DMD: variants seen among roughly 807,000 people sequenced by gnomAD.
DMD encodes mutant dystrophin.
A neutral mutation model predicts 330.1 loss-of-function variants in DMD; 63 were observed. The ratio of observed to expected loss-of-function variants is 0.19; its 90% CI spans 0.16 to 0.24. The LOEUF (loss-of-function observed/expected upper bound fraction) is 0.24, where lower values mean the gene tolerates loss of function less well. DMD is among the 10% of genes least tolerant of loss of function. The pLI is 1.00. For missense variants in DMD, 3,344 were observed against 2,684.1 expected (o/e 1.25, Z -5.43); for synonymous variants, 1,223 against 959.8 (o/e 1.27, Z -5.07).
chrX:31,925,417 A>G (rs4330838), intron 47 of DMD, among the ~76,000 whole-genome samples: 1 of 111,792 alleles, frequency 8.9e-6, no homozygotes, highest in Non-Finnish European at 1.9e-5. Flanking sequence ...ACCCACATAT[A>G]ACATATACAA....
chrX:32,521,835 C>T (rs763632078), intron 17 of DMD, among the ~76,000 whole-genome samples: 1 of 111,698 alleles, frequency 9.0e-6, no homozygotes, highest in African/African-American at 3.3e-5. Context: ...AAGCCTAATT[C>T]CCAATGTGAT....
At position 32,211,607 on chromosome X, in the gene DMD, C is replaced by T. The variant is rs190401758; in HGVS notation, c.6438+5309G>A. Among the ~76,000 whole-genome samples, 590 of 111,559 alleles carry T rather than the reference C, an allele frequency of 5.3e-3. 6 individuals carry two copies. Among genetic ancestry groups the T allele is most frequent in the African/African-American group, 0.019 (570 of 30,741 alleles). ...ATGTCAGAATAACACACTGGTGTTT[C>T]GCTCCCCATGTCTGCTTAACATTTG... On this transcript the variant is annotated intron_variant, in intron 44 of 78. Transcript: ENST00000357033.
chrX:32,955,951 A>G (rs1569545581), intron 2 of DMD, among the ~76,000 whole-genome samples: 2 of 111,856 alleles, frequency 1.8e-5, no homozygotes, highest in Non-Finnish European at 3.8e-5. Flanking sequence ...GCCCTGTAGT[A>G]TAGTTTGAAG....
chrX:32,253,270 C>T (rs940444741), intron 43 of DMD, among the ~76,000 whole-genome samples: 3 of 110,332 alleles, frequency 2.7e-5, no homozygotes, highest in African/African-American at 9.9e-5. Flanking sequence ...ACCCTATCGA[C>T]ACTAAGAGAA....
chrX:32,920,355 C>A, intron 2 of DMD, among the ~76,000 whole-genome samples: 1 of 111,694 alleles, frequency 9.0e-6, no homozygotes, highest in East Asian at 2.8e-4. Context: ...ATGCATTTGT[C>A]TCAGAGCAAT....
At chrX:31,529,390 T>A (rs1426823538) in intron 55 of DMD, among the ~76,000 whole-genome samples, 1 of 109,440 alleles carries the variant, frequency 9.1e-6, no homozygotes, top group African/African-American at 3.3e-5. Context: ...GTCTCTAAAA[T>A]AAATAAAATA....
intron 55 of DMD, among the ~76,000 whole-genome samples, chrX:31,562,229 C>T (rs1016639596): frequency 8.9e-6 from 1 of 111,781 alleles, no homozygotes; most frequent in Non-Finnish European, 1.9e-5. Flanking sequence ...AGGGTATTTG[C>T]TTGATTTCTA....
intron 1 of DMD, among the ~76,000 whole-genome samples, chrX:33,109,190 G>A (rs954134586): frequency 9.0e-6 from 1 of 110,829 alleles, no homozygotes; most frequent in East Asian, 2.8e-4. Flanking sequence ...TTTAACATAA[G>A]GCTTTAGACT....
chrX:31,653,551 C>A (rs749174337), intron 54 of DMD, among the ~76,000 whole-genome samples: 1 of 109,882 alleles, frequency 9.1e-6, no homozygotes, highest in South Asian at 4.0e-4. Context: ...AGCCCTCATA[C>A]AGCTACAAGC....
chrX:32,311,942 C>T (rs1332397320), intron 41 of DMD, among the ~76,000 whole-genome samples: 1 of 111,510 alleles, frequency 9.0e-6, no homozygotes, highest in East Asian at 2.8e-4. Flanking sequence ...AGTTAATAAG[C>T]TCGTCTTTCT....
intron 44 of DMD, among the ~76,000 whole-genome samples, chrX:32,089,235 T>A (rs2096460305): frequency 9.0e-6 from 1 of 111,258 alleles, no homozygotes; most frequent in Admixed American, 9.6e-5. Context: ...GCAATCTCTT[T>A]TAACCCTTCT....
In DMD at chrX:32,502,490, A is replaced by C. The variant is rs529003503; in HGVS notation, c.2293-648T>G. Among the ~76,000 whole-genome samples, 7 of 111,829 alleles carry C rather than the reference A, an allele frequency of 6.3e-5. No homozygotes were observed. In the South Asian group the frequency reaches 2.6e-3, roughly 41 times the overall value. Reference sequence around the variant, plus strand: ...CAAATGCAAAATTATTTCAGTTAACAATAGCCAGAATTTCATACTATTGAG... The same window carrying C: ...CAAATGCAAAATTATTTCAGTTAACCATAGCCAGAATTTCATACTATTGAG... On this transcript the variant is annotated intron_variant, in intron 18 of 78. Coordinates refer to ENST00000357033, the MANE Select transcript of DMD (RefSeq NM_004006.3).
At chrX:33,212,443 G>A (rs1235736422), upstream of DMD, among the ~76,000 whole-genome samples, 1 of 111,334 alleles carries the variant, frequency 9.0e-6, no homozygotes, top group Non-Finnish European at 1.9e-5. Flanking sequence ...CAACAGGCGA[G>A]CCCAAAATTG....
At chrX:32,921,579 T>C (rs1440428239) in intron 2 of DMD, among the ~76,000 whole-genome samples, 1 of 111,470 alleles carries the variant, frequency 9.0e-6, no homozygotes, top group African/African-American at 3.3e-5. Flanking sequence ...ACAGCAGATA[T>C]CTGAAAGAAT....
intron 43 of DMD, among the ~76,000 whole-genome samples, chrX:32,270,877 T>G (rs1273341343): frequency 9.0e-6 from 1 of 111,694 alleles, no homozygotes; most frequent in Non-Finnish European, 1.9e-5. Flanking sequence ...GGGGTATGCT[T>G]GTCACACAGC....
At chrX:32,600,611 C>G (rs1309038394) in intron 12 of DMD, among the ~76,000 whole-genome samples, 1 of 107,837 alleles carries the variant, frequency 9.3e-6, no homozygotes, top group Non-Finnish European at 1.9e-5. Context: ...CACACACACA[C>G]ACACACACAC....
At chrX:31,856,546 G>A (rs2093615815) in intron 48 of DMD, among the ~76,000 whole-genome samples, 1 of 112,117 alleles carries the variant, frequency 8.9e-6, no homozygotes, top group Admixed American at 9.5e-5. Flanking sequence ...TTCTATTTAA[G>A]CTAGTCATAA....
chrX:31,308,567 T>A (rs187180092), intron 62 of DMD, among the ~76,000 whole-genome samples: 79 of 111,816 alleles, frequency 7.1e-4, no homozygotes, highest in African/African-American at 2.2e-3. Flanking sequence ...GTCTATTTTT[T>A]AAAAATTATT....
chrX:31,952,912 G>A (rs765122389), intron 45 of DMD, among the ~76,000 whole-genome samples: 1 of 112,332 alleles, frequency 8.9e-6, no homozygotes, highest in African/African-American at 3.2e-5. Context: ...TCCCCACAGT[G>A]TGTGGCTGTT....
Sources: gnomAD v4.1 joint callset for allele counts (sites outside exome capture counted in the v4.1 genomes callset) on GRCh38, gnomAD v4.1.1 for gene constraint, MANE v1.5 for transcripts, NCBI Gene and HGNC (gene_info 2026-07-23, HGNC 2026-07-21) for gene names.